KMT2C: variants seen among roughly 807,000 people sequenced by gnomAD.
KMT2C encodes lysine methyltransferase 2C, also known as histone-lysine N-methyltransferase 2C.
KMT2C carries 88 observed loss-of-function variants against 507.9 expected under a neutral mutation model. The observed-to-expected ratio is 0.17, with a 90% CI of 0.15 to 0.21. The LOEUF is 0.21. KMT2C is among the 10% of genes least tolerant of loss of function. The pLI is 1.00. For missense variants in KMT2C, 4,954 were observed against 5,957.8 expected (o/e 0.83, Z 5.55); for synonymous variants, 2,049 against 2,080.8 (o/e 0.98, Z 0.42).
intron 6 of KMT2C, among the ~76,000 whole-genome samples, chr7:152,305,163 C>T (rs2096604415): frequency 1.3e-5 from 2 of 151,968 alleles, no homozygotes; most frequent in African/African-American, 4.8e-5. Context: ...AGAAAAAAAC[C>T]CCATCCGAAT....
chr7:152,162,678 C>T lies in KMT2C; in HGVS notation c.10899G>A (p.Pro3633=), dbSNP rs147360558. 25 of 1,614,164 alleles carry T rather than the reference C, an allele frequency of 1.5e-5. No individual in the cohort carries two copies. The highest frequency in any genetic ancestry group is 1.3e-4 in the East Asian group (6 of 44,882). ...AGGTAGTTTCTGAGATGCCTGGAGT[C>T]GGTGGGGCAGTTATATCTGAATGGG... The part of the protein sequence containing the change: ...STPHSDITAP[P]TPGISETTST... Residue 3633 remains proline (P), a synonymous_variant, in exon 43 of 59, where the codon CCG becomes CCA. Transcript: ENST00000262189.
chr7:152,247,715 T>G (rs138202956), intron 14 of KMT2C, among the ~76,000 whole-genome samples, 187 bp downstream of exon 14: 6,370 of 152,060 alleles, frequency 0.042, 4 homozygotes, highest in South Asian at 0.084. Context: ...CACTTCAAAT[T>G]TAATAAATGG....
In KMT2C at chr7:152,181,350, A is replaced by C. The variant is rs2093428664; in HGVS notation, c.6510T>G (p.Thr2170=). 1.9e-6 allele frequency: 3 copies of C among 1,614,062 alleles called. No homozygotes were observed. Among genetic ancestry groups the C allele is most frequent in the Non-Finnish European group, 2.5e-6 (3 of 1,180,016 alleles). ...SQPPGTPRPT[T]VDPYSQQPQT... ...GGGGCTGCTGACTATATGGGTCAAC[A>C]GTAGTAGGCCGGGGAGTTCCAGGAG... Residue 2170 remains threonine, a synonymous_variant, in exon 36 of 59, where the codon ACT becomes ACG. Coordinates refer to ENST00000262189, the MANE Select transcript of KMT2C (RefSeq NM_170606.3).
At chr7:152,381,042 G>C (rs1195767544) in intron 1 of KMT2C, among the ~76,000 whole-genome samples, 11 of 152,264 alleles carry the variant, frequency 7.2e-5, no homozygotes, top group Admixed American at 7.2e-4. Flanking sequence ...TAATAATCCA[G>C]ATTGGGAAAT....
intron 2 of KMT2C, among the ~76,000 whole-genome samples, chr7:152,337,887 C>T (rs932573219): frequency 5.3e-5 from 8 of 150,414 alleles, no homozygotes; most frequent in African/African-American, 1.7e-4. Flanking sequence ...GACAGAGTCT[C>T]GCTCTGCCGC....
At chr7:152,316,517 C>T (rs2096724406) in intron 3 of KMT2C, among the ~76,000 whole-genome samples, 1 of 152,080 alleles carries the variant, frequency 6.6e-6, no homozygotes, top group South Asian at 2.1e-4. Flanking sequence ...GGACTGCTTC[C>T]TCTTGATTAT....
chr7:152,250,811 C>A, intron 12 of KMT2C, 42 bp downstream of exon 12: 1 of 1,042,096 alleles, frequency 9.6e-7, no homozygotes. Context: ...TGTATATACA[C>A]ATTTTCTTCA....
intron 9 of KMT2C, among the ~76,000 whole-genome samples, chr7:152,256,033 G>C (rs1261821448): frequency 2.0e-5 from 3 of 152,182 alleles, no homozygotes; most frequent in Non-Finnish European, 4.4e-5. Context: ...GCTGGGCGTG[G>C]TGGCGCATGC....
intron 9 of KMT2C, among the ~76,000 whole-genome samples, chr7:152,256,551 A>G (rs2095665313): frequency 6.6e-6 from 1 of 152,100 alleles, no homozygotes; most frequent in Non-Finnish European, 1.5e-5. Flanking sequence ...GGAGTGAGAC[A>G]CTGTCTCACA....
intron 16 of KMT2C, among the ~76,000 whole-genome samples, chr7:152,234,863 T>C (rs1219553234): frequency 6.6e-6 from 1 of 151,732 alleles, no homozygotes; most frequent in Admixed American, 6.6e-5. Context: ...CAGCCAGGAA[T>C]TAGAATGATA....
chr7:152,205,081 A>AT (rs745762263), intron 25 of KMT2C, 25 bp downstream of exon 25: 165 of 1,472,972 alleles, frequency 1.1e-4, no homozygotes, highest in East Asian at 2.5e-4. Flanking sequence ...TAAAAAAAAA[A>AT]TTTTTTTTTA....
chr7:152,368,763 A>C, intron 1 of KMT2C: 1 of 840,758 alleles, frequency 1.2e-6, no homozygotes, highest in Non-Finnish European at 1.9e-6. Context: ...TTTCATCCAT[A>C]ATGATGGATT....
intron 10 of KMT2C, 62 bp downstream of exon 10, chr7:152,252,484 G>A: frequency 7.4e-7 from 1 of 1,357,976 alleles, no homozygotes; most frequent in Non-Finnish European, 1.0e-6. Flanking sequence ...AGATGGTAGA[G>A]CAAATGACCA....
At chr7:152,308,725 A>G (rs1016208869) in intron 6 of KMT2C, among the ~76,000 whole-genome samples, 2 of 151,070 alleles carry the variant, frequency 1.3e-5, no homozygotes, top group African/African-American at 2.4e-5. Flanking sequence ...AGTAGCTCAC[A>G]ACTAAACTCC....
At position 152,435,928 on chromosome 7, in the gene KMT2C, A is replaced by T; in HGVS notation, c.-142T>A. 1 of 880,982 alleles carries T rather than the reference A, an allele frequency of 1.1e-6. No homozygotes were observed. The highest frequency in any genetic ancestry group is 1.6e-6 in the Non-Finnish European group (1 of 622,474). The allele number at this position is 880,982 out of a possible 1,614,324, so 54.6% of individuals were successfully genotyped here. On this transcript the variant is annotated 5_prime_UTR_variant, in exon 1 of 59. Transcript: ENST00000262189. ...CATTTCCCGCAGCCCCGGGAGCAGC[A>T]GCAGGTACCGGGAGAGGCGGCAACA...
At chr7:152,147,717 A>G (rs2091260907) in intron 52 of KMT2C, among the ~76,000 whole-genome samples, 1 of 148,358 alleles carries the variant, frequency 6.7e-6, no homozygotes, top group African/African-American at 2.5e-5. Context: ...CAAAAAAAAA[A>G]AAAAAAAAAA....
At chr7:152,167,096 T>A in intron 42 of KMT2C, 50 bp downstream of exon 42, 1 of 1,423,488 alleles carries the variant, frequency 7.0e-7, no homozygotes, top group Admixed American at 1.7e-5. Flanking sequence ...CACCAAAACA[T>A]TCTACTCATT....
rs1395580422 is a variant in KMT2C at position 152,163,500 on chromosome 7, T to G, written c.10077A>C (p.Pro3359=). Residue 3359 remains proline, a synonymous_variant, in exon 43 of 59, where the codon CCA becomes CCC. Coordinates refer to ENST00000262189, the MANE Select transcript of KMT2C (RefSeq NM_170606.3). The part of the protein sequence containing the change: ...PRIQPPIAQL[P]IKTCTPAPGT... ...CTGGGGCTGGTGTACAAGTTTTTAT[T>G]GGTAACTGGGCAATTGGGGGCTGAA... is the stretch of plus-strand genomic sequence containing the variant. 1 of 1,613,832 alleles carries G rather than the reference T, an allele frequency of 6.2e-7. No homozygotes were observed. Among genetic ancestry groups the G allele is most frequent in the Admixed American group, 1.7e-5 (1 of 59,990 alleles).
intron 1 of KMT2C, among the ~76,000 whole-genome samples, chr7:152,377,914 A>T (rs865950112): frequency 1.3e-4 from 20 of 152,230 alleles, no homozygotes; most frequent in Admixed American, 3.3e-4. Context: ...CTCATGGATA[A>T]CTTTGAGGGG....
Sources: allele counts gnomAD v4.1 joint callset (sites outside exome capture counted in the v4.1 genomes callset), GRCh38; gene constraint gnomAD v4.1.1; transcripts MANE v1.5; gene names NCBI Gene and HGNC (gene_info 2026-07-23, HGNC 2026-07-21).